ITPR2: variants seen among roughly 807,000 people sequenced by gnomAD.
ITPR2 encodes inositol 1,4,5-trisphosphate receptor type 2.
In ITPR2, 207 loss-of-function variants were observed where a neutral mutation model predicts 317.1. The ratio of observed to expected loss-of-function variants is 0.65; its 90% confidence interval spans 0.58 to 0.73. ITPR2 has a LOEUF of 0.73. Among genes scored for constraint, ITPR2 ranks in the 30% least tolerant of loss-of-function variants. The pLI, the probability that ITPR2 is intolerant of heterozygous loss-of-function variation, is 0.00. For missense variants in ITPR2, 2,613 were observed against 3,284.0 expected, an observed-to-expected ratio of 0.80 and a Z score of 4.99; for synonymous variants, 1,156 against 1,149.1, an observed-to-expected ratio of 1.01 and a Z score of -0.12.
intron 43 of ITPR2, among the ~76,000 whole-genome samples, chr12:26,480,034 T>A (rs919399091): frequency 6.6e-6 from 1 of 152,222 alleles, no homozygotes; most frequent in African/African-American, 2.4e-5. Context: ...TAGAAAAATA[T>A]CATTCCTATT....
intron 21 of ITPR2, 52 bp downstream of exon 21, chr12:26,653,924 T>G: frequency 1.3e-6 from 2 of 1,507,392 alleles, no homozygotes; most frequent in South Asian, 1.2e-5. Flanking sequence ...TTGTTTTTTA[T>G]CTTACTTCCA....
At chr12:26,777,706 T>A (rs7312016) in intron 2 of ITPR2, among the ~76,000 whole-genome samples, 119,436 of 152,040 alleles carry the variant, frequency 0.79, 47,139 homozygotes, top group East Asian at 0.97. Flanking sequence ...AAAACAGAGA[T>A]TCATGGCCCT....
intron 49 of ITPR2, among the ~76,000 whole-genome samples, chr12:26,420,289 A>C (rs1372441337): frequency 6.6e-6 from 1 of 152,194 alleles, no homozygotes; most frequent in African/African-American, 2.4e-5. Context: ...TAGGTTATCT[A>C]CTGGAACCAT....
At chr12:26,376,733 C>T (rs1376650303) in intron 55 of ITPR2, among the ~76,000 whole-genome samples, 1 of 148,554 alleles carries the variant, frequency 6.7e-6, no homozygotes, top group Non-Finnish European at 1.5e-5. Context: ...CTTTCTTTCT[C>T]TTTCTCTCTC....
rs541174170 is a variant in ITPR2, at chr12:26,796,564, G to T, written c.93-6337C>A. Among the ~76,000 whole-genome samples the T allele has an allele frequency of 1.4e-3, 219 of 152,248 alleles. 3 individuals carry two copies. Among genetic ancestry groups the T allele is most frequent in the African/African-American group, 8.7e-4 (36 of 41,528 alleles). On this transcript the variant is annotated intron_variant, in intron 1 of 56. Coordinates refer to ENST00000381340, the MANE Select transcript of ITPR2 (RefSeq NM_002223.4). Reference sequence around the variant, plus strand: ...AATGTGACATTTAAAAGTTGAACACGGGCATGCCCTTCCATTCACCATTTC... The same window carrying T: ...AATGTGACATTTAAAAGTTGAACACTGGCATGCCCTTCCATTCACCATTTC...
chr12:26,479,537 T>C (rs1352199197), intron 43 of ITPR2, among the ~76,000 whole-genome samples: 1 of 152,218 alleles, frequency 6.6e-6, no homozygotes, highest in Non-Finnish European at 1.5e-5. Flanking sequence ...TGTTTCTTAA[T>C]GAATTATGGT....
intron 9 of ITPR2, among the ~76,000 whole-genome samples, chr12:26,701,588 T>C (rs769228246): frequency 1.3e-5 from 2 of 152,232 alleles, no homozygotes; most frequent in Non-Finnish European, 2.9e-5. Context: ...GTTAGTCTGC[T>C]GTATTTATGT....
At chr12:26,626,889 T>C (rs1175870074) in intron 23 of ITPR2, among the ~76,000 whole-genome samples, 1 of 152,192 alleles carries the variant, frequency 6.6e-6, no homozygotes, top group Non-Finnish European at 1.5e-5. Context: ...AAGAATTCCA[T>C]TAGCCGGCTA....
At chr12:26,581,389 C>T (rs1410292485) in intron 32 of ITPR2, among the ~76,000 whole-genome samples, 1 of 152,122 alleles carries the variant, frequency 6.6e-6, no homozygotes, top group Admixed American at 6.6e-5. Flanking sequence ...TATTAATTGA[C>T]CCCTACCTGA....
chr12:26,559,154 T>C (rs1474384321), intron 35 of ITPR2, among the ~76,000 whole-genome samples: 1 of 152,242 alleles, frequency 6.6e-6, no homozygotes, highest in Admixed American at 6.5e-5. Context: ...ATTCACTGCT[T>C]CCATGTCTGG....
chr12:26,440,365 G>A (rs1241743950), intron 46 of ITPR2, among the ~76,000 whole-genome samples: 1 of 152,162 alleles, frequency 6.6e-6, no homozygotes, highest in East Asian at 1.9e-4. Context: ...CAGCCATTTT[G>A]CAACCATGAG....
intron 20 of ITPR2, among the ~76,000 whole-genome samples, chr12:26,654,470 A>G (rs1468756499): frequency 6.6e-6 from 1 of 152,214 alleles, no homozygotes; most frequent in Non-Finnish European, 1.5e-5. Context: ...ATAAATGGCT[A>G]TTATCCAAGA....
intron 34 of ITPR2, among the ~76,000 whole-genome samples, chr12:26,567,835 A>G (rs1945016296): frequency 6.7e-6 from 1 of 149,884 alleles, no homozygotes. Context: ...TTAATTTATC[A>G]TTTCACTTAC....
At chr12:26,746,581 C>T (rs928690082) in intron 2 of ITPR2, among the ~76,000 whole-genome samples, 2 of 152,130 alleles carry the variant, frequency 1.3e-5, no homozygotes, top group Non-Finnish European at 1.5e-5. Context: ...TAGATTCATA[C>T]CACCCCTGGC....
chr12:26,619,544 T>C (rs77410350), intron 26 of ITPR2, among the ~76,000 whole-genome samples: 4,745 of 152,122 alleles, frequency 0.031, 274 homozygotes, highest in African/African-American at 0.11. Flanking sequence ...GAGGGATGTC[T>C]AGGAAAGGTT....
At chr12:26,417,617 T>G (rs575939615) in intron 50 of ITPR2, among the ~76,000 whole-genome samples, 1 of 152,282 alleles carries the variant, frequency 6.6e-6, no homozygotes, top group East Asian at 1.9e-4. Context: ...CCTTCCACCA[T>G]GATTGTAAGT....
intron 2 of ITPR2, among the ~76,000 whole-genome samples, chr12:26,735,374 C>G (rs2137070858): frequency 6.7e-6 from 1 of 149,562 alleles, no homozygotes; most frequent in Non-Finnish European, 1.5e-5. Context: ...TTGAATGGAA[C>G]AGGAAGAGAA....
intron 52 of ITPR2, among the ~76,000 whole-genome samples, chr12:26,405,691 C>T (rs1252276871): frequency 1.3e-5 from 2 of 152,196 alleles, no homozygotes; most frequent in African/African-American, 4.8e-5. Flanking sequence ...GTCACTGAGA[C>T]ACGTTTGAAA....
intron 30 of ITPR2, 114 bp from the exon 31 acceptor site, chr12:26,597,248 A>C: frequency 5.2e-6 from 6 of 1,153,494 alleles, no homozygotes; most frequent in Non-Finnish European, 7.6e-6. Flanking sequence ...AACATATATA[A>C]TACGGCAAAG....
Sources: gnomAD v4.1 joint callset for allele counts (sites outside exome capture counted in the v4.1 genomes callset) on GRCh38, gnomAD v4.1.1 for gene constraint, MANE v1.5 for transcripts, NCBI Gene and HGNC (gene_info 2026-07-23, HGNC 2026-07-21) for gene names.